Variants in OPRM1 observed in about 807,000 individuals in gnomAD.
OPRM1 encodes the protein mu-type opioid receptor.
In OPRM1, 27 loss-of-function variants were observed where a neutral mutation model predicts 31.8. That is an observed-to-expected ratio of 0.85 (90% CI 0.63 to 1.17). The LOEUF (loss-of-function observed/expected upper bound fraction) is 1.17, where lower values mean the gene tolerates loss of function less well. Ranked by LOEUF, OPRM1 falls within the 50% of genes most tolerant of loss-of-function variation. The pLI is 0.00. For missense variants in OPRM1, 536 were observed against 511.1 expected (o/e 1.05, Z -0.47); for synonymous variants, 196 against 189.9 (o/e 1.03, Z -0.26).
chr6:154,057,675 A>G (rs1283835122), intron 1 of OPRM1, among the ~76,000 whole-genome samples: 1 of 152,258 alleles, frequency 6.6e-6, no homozygotes, highest in Non-Finnish European at 1.5e-5. Flanking sequence ...CAAAGTAGAT[A>G]TTGTAAAAAT....
In OPRM1 at chr6:154,126,839, C is replaced by T. The variant is rs149130418; in HGVS notation, c.*8118C>T. Among the ~76,000 whole-genome samples, 7,751 of 152,144 alleles carry T rather than the reference C, an allele frequency of 0.051. 659 individuals carry two copies. Among genetic ancestry groups the T allele is most frequent in the African/African-American group, 0.18 (7,323 of 41,454 alleles). On this transcript the variant is annotated 3_prime_UTR_variant, in exon 4 of 4. Transcript: ENST00000330432. ...CAAATAAAAAAGTGCCTGCTGGGCG[C>T]GGTGGCTCACGCCTGTAATTCCAGC...
chr6:154,242,013 G>GT (rs900400788), intron 3 of OPRM1, among the ~76,000 whole-genome samples: 2 of 152,160 alleles, frequency 1.3e-5, no homozygotes, highest in African/African-American at 4.8e-5. Flanking sequence ...CTTTGAGCAA[G>GT]TTACTTAAAT....
chr6:154,091,374 A>C lies in OPRM1; in HGVS notation c.1066A>C (p.Thr356Pro). 1.2e-6 allele frequency: 2 copies of C among 1,614,002 alleles called. No homozygotes were observed. Among genetic ancestry groups the C allele is most frequent in the Non-Finnish European group, 1.7e-6 (2 of 1,180,008 alleles). The part of the protein sequence containing the change: ...KRCFREFCIP[T>P]SSNIEQQNST... ...ATGCTTCAGAGAGTTCTGTATCCCAACCTCTTCCAACATTGAGCAACAAAA... is the reference window on the plus strand; with the variant it reads ...ATGCTTCAGAGAGTTCTGTATCCCACCCTCTTCCAACATTGAGCAACAAAA... The change falls in exon 3 of 4, where the codon ACC becomes CCC. Residue 356 changes from threonine to proline, a missense_variant. Transcript: ENST00000330432.
intron 1 of OPRM1, among the ~76,000 whole-genome samples, chr6:154,064,336 T>G (rs1583312144): frequency 1.3e-5 from 2 of 152,196 alleles, no homozygotes; most frequent in East Asian, 3.9e-4. Context: ...TAAATTGGGT[T>G]GTTTGTTTTC....
At chr6:154,156,926 A>G (rs1362149452) in intron 3 of OPRM1, 1 of 152,274 alleles carries the variant, frequency 6.6e-6, no homozygotes, top group Non-Finnish European at 1.5e-5. Context: ...CAGGTGCCAC[A>G]GATTTGGATC....
chr6:154,239,029 CTGTGAG>C (rs1322442317), intron 3 of OPRM1, among the ~76,000 whole-genome samples: 1 of 152,056 alleles, frequency 6.6e-6, no homozygotes, highest in East Asian at 1.9e-4. Context: ...CATTTCACTG[CTGTGAG>C]CTAAGAAGAC....
At position 154,129,247 on chromosome 6, in the gene OPRM1, C is replaced by A. The variant is rs1200083762; in HGVS notation, c.*10526C>A. Among the ~76,000 whole-genome samples, 2 of 152,134 alleles carry A rather than the reference C, an allele frequency of 1.3e-5. No individual in the cohort carries two copies. The highest frequency in any genetic ancestry group is 3.8e-4 in the East Asian group (2 of 5,202). ...GCATGCACCGGTGGTCTGGGAGGAA[C>A]AGAACAGGACAGGGAGTTCTTCTAT... On this transcript the variant is annotated 3_prime_UTR_variant, in exon 4 of 4. Coordinates refer to ENST00000330432, the MANE Select transcript of OPRM1 (RefSeq NM_000914.5).
At chr6:154,031,478 T>C (rs1231462381) in intron 1 of OPRM1, among the ~76,000 whole-genome samples, 1 of 152,134 alleles carries the variant, frequency 6.6e-6, no homozygotes, top group Admixed American at 6.5e-5. Flanking sequence ...CTCACGCCTG[T>C]AATCCTAGCA....
rs1297249470 is a variant in OPRM1, at chr6:154,120,151, A to T, written c.*1430A>T. Among the ~76,000 whole-genome samples, 1 of 152,180 alleles carries T rather than the reference A, an allele frequency of 6.6e-6. No homozygotes were observed. The highest frequency in any genetic ancestry group is 1.9e-4 in the East Asian group (1 of 5,202). On this transcript the variant is annotated 3_prime_UTR_variant, in exon 4 of 4. Coordinates refer to ENST00000330432, the MANE Select transcript of OPRM1 (RefSeq NM_000914.5). ...TTATCTATGATGATACAAGTAAAAA[A>T]CTAGGCTGCTGACTTCTGAGTATTC...
rs1031795413 is a variant in OPRM1, at chr6:154,131,202, T to C, written c.*12481T>C. 6.6e-6 allele frequency among the ~76,000 whole-genome samples: 1 copy of C among 152,196 alleles called. No individual in the cohort carries two copies. The highest frequency in any genetic ancestry group is 1.5e-5 in the Non-Finnish European group (1 of 68,030). On this transcript the variant is annotated 3_prime_UTR_variant, in exon 4 of 4. Transcript: ENST00000330432. Reference sequence around the variant, plus strand: ...TGAAATTCAGGTAACTAATAACCCTTGGTTTTAAAAGATACATATAATGTT... The same window carrying C: ...TGAAATTCAGGTAACTAATAACCCTCGGTTTTAAAAGATACATATAATGTT...
intron 3 of OPRM1, among the ~76,000 whole-genome samples, chr6:154,143,356 C>T (rs1055113075): frequency 3.3e-5 from 5 of 152,172 alleles, no homozygotes; most frequent in African/African-American, 1.2e-4. Context: ...TCACCACCTC[C>T]ATGAAGCCCT....
chr6:154,147,568 T>C (rs1798391339), intron 3 of OPRM1, among the ~76,000 whole-genome samples: 1 of 152,190 alleles, frequency 6.6e-6, no homozygotes, highest in Non-Finnish European at 1.5e-5. Flanking sequence ...AGCATAGGCA[T>C]ACCAAGAGAC....
At chr6:154,079,933 T>G (rs1322602728) in intron 1 of OPRM1, among the ~76,000 whole-genome samples, 1 of 152,218 alleles carries the variant, frequency 6.6e-6, no homozygotes, top group African/African-American at 2.4e-5. Context: ...TAATGCTTTC[T>G]TAAATGGTAG....
intron 1 of OPRM1, among the ~76,000 whole-genome samples, chr6:154,077,324 G>T (rs890854825): frequency 1.3e-5 from 2 of 151,878 alleles, no homozygotes; most frequent in South Asian, 2.1e-4. Flanking sequence ...CACCATGCTC[G>T]CCAGGCTGGT....
chr6:154,070,515 C>G (rs1786466477), intron 1 of OPRM1, among the ~76,000 whole-genome samples: 1 of 152,176 alleles, frequency 6.6e-6, no homozygotes, highest in Non-Finnish European at 1.5e-5. Flanking sequence ...CAAGTAAACT[C>G]TTTAGAGCAA....
intron 3 of OPRM1, among the ~76,000 whole-genome samples, chr6:154,161,772 G>T (rs1799039571): frequency 6.6e-6 from 1 of 152,118 alleles, no homozygotes; most frequent in Non-Finnish European, 1.5e-5. Flanking sequence ...AATGCCAAGT[G>T]CCATGTAGAC....
chr6:154,084,441 A>C (rs1790003951), intron 1 of OPRM1, among the ~76,000 whole-genome samples: 1 of 151,768 alleles, frequency 6.6e-6, no homozygotes, highest in African/African-American at 2.4e-5. Flanking sequence ...ACACACACTC[A>C]CAAGTAAAAA....
At chr6:154,087,583 G>A (rs1227872208) in intron 1 of OPRM1, 4 of 985,250 alleles carry the variant, frequency 4.1e-6, no homozygotes, top group Middle Eastern at 5.2e-4. Flanking sequence ...TCAGGTGTGG[G>A]TCCTGCAGGA....
intron 1 of OPRM1, among the ~76,000 whole-genome samples, chr6:154,050,354 T>C (rs918767189): frequency 6.6e-6 from 1 of 152,138 alleles, no homozygotes; most frequent in Non-Finnish European, 1.5e-5. Flanking sequence ...TAAGTGTCCA[T>C]CAATAGATTA....
Sources: allele counts gnomAD v4.1 joint callset (sites outside exome capture counted in the v4.1 genomes callset), GRCh38; gene constraint gnomAD v4.1.1; transcripts MANE v1.5; gene names NCBI Gene and HGNC (gene_info 2026-07-23, HGNC 2026-07-21).